Variants in IQGAP2 observed in about 807,000 individuals in gnomAD.
The protein encoded by IQGAP2 is ras GTPase-activating-like protein IQGAP2.
IQGAP2 carries 173 observed loss-of-function variants against 201.3 expected under a neutral mutation model. The ratio of observed to expected loss-of-function variants is 0.86; its 90% confidence interval spans 0.76 to 0.98. The LOEUF (loss-of-function observed/expected upper bound fraction) is 0.98. Ranked by LOEUF, IQGAP2 falls within the 50% of genes least tolerant of loss-of-function variation. The pLI, the probability that IQGAP2 is intolerant of heterozygous loss-of-function variation, is 0.00. For missense variants in IQGAP2, 1,687 were observed against 1,864.8 expected (o/e 0.90, Z 1.76); for synonymous variants, 675 against 673.9 (o/e 1.00, Z -0.03).
chr5:76,617,359 G>C (rs1217803430), intron 13 of IQGAP2: 2 of 440,618 alleles, frequency 4.5e-6, no homozygotes, highest in Admixed American at 7.6e-5. Flanking sequence ...GGGAGGCAGA[G>C]GTTGCAATGA....
At chr5:76,442,225 C>T (rs138115156) in intron 1 of IQGAP2, among the ~76,000 whole-genome samples, 334 of 152,240 alleles carry the variant, frequency 2.2e-3, no homozygotes, top group Middle Eastern at 0.01. Context: ...TCTGTTTCTC[C>T]ATTTTTCTTT....
chr5:76,462,960 AAGTT>A (rs1754554849), intron 2 of IQGAP2, among the ~76,000 whole-genome samples: 1 of 151,900 alleles, frequency 6.6e-6, no homozygotes, highest in South Asian at 2.1e-4. Flanking sequence ...TGTCGCAAAA[AAGTT>A]AGATAAGGAG....
chr5:76,472,982 C>G (rs749564038), intron 2 of IQGAP2, among the ~76,000 whole-genome samples: 1 of 152,190 alleles, frequency 6.6e-6, no homozygotes, highest in African/African-American at 2.4e-5. Flanking sequence ...CACAACCACT[C>G]TGTGGGAAGG....
intron 1 of IQGAP2, among the ~76,000 whole-genome samples, chr5:76,444,976 T>C (rs553570490): frequency 8.5e-5 from 13 of 152,350 alleles, no homozygotes; most frequent in Non-Finnish European, 1.6e-4. Context: ...GAGATACCAT[T>C]TCTAATTTGA....
intron 8 of IQGAP2, among the ~76,000 whole-genome samples, chr5:76,591,335 C>G (rs1346874341): frequency 1.3e-5 from 2 of 149,604 alleles, no homozygotes; most frequent in Non-Finnish European, 3.0e-5. Context: ...CATATTTTCC[C>G]AATAGTCAAT....
intron 17 of IQGAP2, among the ~76,000 whole-genome samples, chr5:76,641,968 A>C (rs1751625243): frequency 6.6e-6 from 1 of 152,186 alleles, no homozygotes; most frequent in South Asian, 2.1e-4. Flanking sequence ...TGTATCTTGC[A>C]CATGATAGGT....
At chr5:76,478,385 T>G (rs1755575309) in intron 2 of IQGAP2, among the ~76,000 whole-genome samples, 1 of 152,142 alleles carries the variant, frequency 6.6e-6, no homozygotes, top group Non-Finnish European at 1.5e-5. Context: ...TAGGAGACAG[T>G]GAGACTCCGC....
rs144338768 is a variant in IQGAP2, at chr5:76,656,154, C to T, written c.2320+1151C>T. Among the ~76,000 whole-genome samples the T allele has an allele frequency of 9.6e-3, 1,455 of 152,300 alleles. 21 individuals carry two copies. The highest frequency in any genetic ancestry group is 0.033 in the African/African-American group (1,357 of 41,552). On this transcript the variant is annotated intron_variant, in intron 20 of 35. Transcript: ENST00000274364. ...CTCATTCCACTAGATTCCAGCTCAC[C>T]TCTCAGCTGGTAGATATGTTGTTGT... is the stretch of plus-strand genomic sequence containing the variant.
intron 2 of IQGAP2, among the ~76,000 whole-genome samples, chr5:76,544,519 C>G (rs1400569839): frequency 6.6e-6 from 1 of 152,192 alleles, no homozygotes; most frequent in Non-Finnish European, 1.5e-5. Flanking sequence ...TGTGAGCTGC[C>G]TGTGGTTGTG....
intron 1 of IQGAP2, among the ~76,000 whole-genome samples, chr5:76,408,057 A>T (rs144968717): frequency 6.6e-6 from 1 of 152,190 alleles, no homozygotes; most frequent in Non-Finnish European, 1.5e-5. Flanking sequence ...CAAATAGGGG[A>T]ATCCCAAGCA....
intron 2 of IQGAP2, among the ~76,000 whole-genome samples, chr5:76,538,381 G>A (rs1298897936): frequency 1.3e-5 from 2 of 152,184 alleles, no homozygotes; most frequent in African/African-American, 4.8e-5. Flanking sequence ...TTTAAGTGCA[G>A]AGCCATTGAG....
At chr5:76,582,482 G>A (rs959741702) in intron 5 of IQGAP2, among the ~76,000 whole-genome samples, 3 of 152,136 alleles carry the variant, frequency 2.0e-5, no homozygotes, top group Admixed American at 1.3e-4. Flanking sequence ...CAGCGCTTCT[G>A]GATTCTAGTC....
chr5:76,580,460 A>G (rs1322920602), intron 5 of IQGAP2, among the ~76,000 whole-genome samples: 1 of 152,164 alleles, frequency 6.6e-6, no homozygotes. Context: ...AAAACAAAAC[A>G]AACAAACAAA....
chr5:76,540,189 C>T (rs1561448225), intron 2 of IQGAP2, among the ~76,000 whole-genome samples: 1 of 152,088 alleles, frequency 6.6e-6, no homozygotes, highest in African/African-American at 2.4e-5. Context: ...TTCATATTCA[C>T]CTAAGAAATG....
At chr5:76,419,767 C>T (rs1751628343) in intron 1 of IQGAP2, among the ~76,000 whole-genome samples, 2 of 151,986 alleles carry the variant, frequency 1.3e-5, no homozygotes, top group South Asian at 4.2e-4. Flanking sequence ...GCTTTACCAC[C>T]TGTTGACATC....
chr5:76,593,282 T>A (rs776387359), intron 9 of IQGAP2, among the ~76,000 whole-genome samples: 27 of 152,342 alleles, frequency 1.8e-4, no homozygotes, highest in Middle Eastern at 3.4e-3. Flanking sequence ...TGCGATGATG[T>A]TCTATTGGAA....
intron 2 of IQGAP2, 52 bp downstream of exon 2, chr5:76,461,721 G>A (rs769385170): frequency 2.8e-5 from 37 of 1,318,890 alleles, no homozygotes; most frequent in Admixed American, 1.0e-4. Context: ...GATAAGCTTT[G>A]TGATAAGGGC....
chr5:76,592,970 A>G (rs777521602), intron 9 of IQGAP2, 45 bp downstream of exon 9: 24 of 1,270,584 alleles, frequency 1.9e-5, no homozygotes, highest in Middle Eastern at 3.7e-4. Context: ...TCCGTAAGAT[A>G]CAGACTTTCC....
At chr5:76,617,412 A>T in intron 13 of IQGAP2, 1 of 594,830 alleles carries the variant, frequency 1.7e-6, no homozygotes, top group Non-Finnish European at 2.9e-6. Context: ...TGATAAAGTG[A>T]GACTCAGTCT....
Sources: gnomAD v4.1 joint callset for allele counts (sites outside exome capture counted in the v4.1 genomes callset) on GRCh38, gnomAD v4.1.1 for gene constraint, MANE v1.5 for transcripts, NCBI Gene and HGNC (gene_info 2026-07-23, HGNC 2026-07-21) for gene names.